Variants in CSN2 observed in about 807,000 individuals in gnomAD.
The protein encoded by CSN2 is casein beta.
In CSN2, 27 loss-of-function variants were observed where a neutral mutation model predicts 27.3. That is an observed-to-expected ratio of 0.99 (90% CI 0.73 to 1.36). The LOEUF (loss-of-function observed/expected upper bound fraction) is 1.36. Ranked by LOEUF, CSN2 falls within the 40% of genes most tolerant of loss-of-function variation. CSN2 has a pLI of 0.00. For synonymous variants in CSN2, 131 were observed against 94.8 expected, an observed-to-expected ratio of 1.38 and a Z score of -2.22; for missense variants, 333 against 264.5, an observed-to-expected ratio of 1.26 and a Z score of -1.80.
chr4:69,962,219 A>G (rs1723617652), intron 1 of CSN2, among the ~76,000 whole-genome samples: 1 of 152,194 alleles, frequency 6.6e-6, no homozygotes, highest in Non-Finnish European at 1.5e-5. Flanking sequence ...TCTTCACAGA[A>G]TTGAAAAAAA....
At chr4:69,960,824 G>T (rs1341954684) in intron 2 of CSN2, 121 bp downstream of exon 2, 14 of 784,242 alleles carry the variant, frequency 1.8e-5, no homozygotes, top group Admixed American at 7.0e-5. Context: ...GAAGCCAAGA[G>T]AATTCTCATG....
chr4:69,964,476 A>G (rs1723728733), intron 1 of CSN2, among the ~76,000 whole-genome samples: 1 of 152,086 alleles, frequency 6.6e-6, no homozygotes. Context: ...ACTTCATCAA[A>G]AAAGTCTTTA....
chr4:69,963,614 A>T (rs1723685680), intron 1 of CSN2, among the ~76,000 whole-genome samples: 1 of 152,132 alleles, frequency 6.6e-6, no homozygotes, highest in Non-Finnish European at 1.5e-5. Flanking sequence ...GAGGGATAGC[A>T]TTAGGAGATA....
rs1723361966 is a variant in CSN2, at chr4:69,955,280, A to G, written c.*349T>C. On this transcript the variant is annotated 3_prime_UTR_variant, in exon 8 of 8. Coordinates refer to ENST00000353151, the MANE Select transcript of CSN2 (RefSeq NM_001891.4). ...ATATGCTTAAGAATAATTTATTGAAATGACTGGAAAGGAAATAGATTCTTA... is the reference window on the plus strand; with the variant it reads ...ATATGCTTAAGAATAATTTATTGAAGTGACTGGAAAGGAAATAGATTCTTA... 6.6e-6 allele frequency: 1 copy of G among 152,550 alleles called. No homozygotes were observed. The highest frequency in any genetic ancestry group is 6.6e-5 in the Admixed American group (1 of 15,254). The allele number at this position is 152,550 out of a possible 1,614,324, so 9.4% of individuals were successfully genotyped here.
rs138138352 is a variant in CSN2 at position 69,957,342 on chromosome 4, G to T, written c.607C>A (p.Leu203Ile). 91 of 1,605,838 alleles carry T rather than the reference G, an allele frequency of 5.7e-5. No homozygotes were observed. In the African/African-American group the frequency reaches 1.1e-3, roughly 19 times the overall value. ...VQALLLNQEL[L>I]LNPTHQIYPV... ...TAGATCTGGTGGGTGGGGTTAAGTA[G>T]AAGTTCTTGGTTGAGCAGAAGGGCT... The change falls in exon 6 of 8, where the codon CTA becomes ATA. Residue 203 changes from leucine (L) to isoleucine (I), a missense_variant. By Grantham distance (5) the Leu-to-Ile change is conservative (BLOSUM62 2). Transcript: ENST00000353151.
chr4:69,956,409 C>T lies in CSN2; in HGVS notation c.676-54G>A. ...AATAACCTCTTAGTAAGAAAACTTG[C>T]CTTAAGAATGTTGTAAGTAGTGAAA... On this transcript the variant is annotated intron_variant, in intron 6 of 7. Transcript: ENST00000353151. 17 of 1,286,978 alleles carry T rather than the reference C, an allele frequency of 1.3e-5. No homozygotes were observed. In the South Asian group the frequency reaches 3.8e-4, roughly 28 times the overall value. The allele number at this position is 1,286,978 out of a possible 1,614,324, so 79.7% of individuals were successfully genotyped here.
chr4:69,965,000 G>A (rs1211593462), intron 1 of CSN2, among the ~76,000 whole-genome samples: 3 of 151,324 alleles, frequency 2.0e-5, no homozygotes, highest in African/African-American at 7.3e-5. Context: ...TGGTTTCCAA[G>A]TCTTTTCTAC....
chr4:69,957,944 G>C, intron 5 of CSN2, 140 bp from the exon 6 acceptor site: 4 of 843,462 alleles, frequency 4.7e-6, no homozygotes, highest in Non-Finnish European at 7.2e-6. Context: ...GGTTAAGAAA[G>C]TATCTTGAGT....
chr4:69,956,834 C>T (rs1723411367), intron 6 of CSN2, among the ~76,000 whole-genome samples: 1 of 152,078 alleles, frequency 6.6e-6, no homozygotes, highest in Admixed American at 6.6e-5. Flanking sequence ...GTTTCCTCTA[C>T]ACAAAAAACT....
intron 7 of CSN2, among the ~76,000 whole-genome samples, 187 bp downstream of exon 7, chr4:69,956,127 T>C (rs962598079): frequency 6.6e-6 from 1 of 152,016 alleles, no homozygotes; most frequent in Non-Finnish European, 1.5e-5. Flanking sequence ...ATTAAAGTTA[T>C]TTGAAATGCA....
rs1452956996 is a variant in CSN2, at chr4:69,955,533, A to G, written c.*96T>C. 1 of 152,494 alleles carries G rather than the reference A, an allele frequency of 6.6e-6. No individual in the cohort carries two copies. Among genetic ancestry groups the G allele is most frequent in the Non-Finnish European group, 1.5e-5 (1 of 67,948 alleles). The allele number at this position is 152,494 out of a possible 1,614,324, so 9.4% of individuals were successfully genotyped here. On this transcript the variant is annotated 3_prime_UTR_variant, in exon 8 of 8. Coordinates refer to ENST00000353151, the MANE Select transcript of CSN2 (RefSeq NM_001891.4). ...CATATAAACTCATTCAAACATACTT[A>G]ATTTGGGGTAACGTGATACAAAGAC...
In CSN2 at chr4:69,960,961, AG is replaced by A; in HGVS notation, c.34del (p.Ala13LeufsTer7). 1.9e-6 allele frequency: 3 copies of A among 1,612,984 alleles called. No individual in the cohort carries two copies. The highest frequency in any genetic ancestry group is 1.7e-4 in the Middle Eastern group (1 of 6,058). On this transcript the variant is annotated frameshift_variant, in exon 2 of 8. Transcript: ENST00000353151. LOFTEE classifies it high-confidence loss of function. The stretch of plus-strand genomic sequence containing the variant: ...TGCACATACCTCCCTTGCAAGAGCA[AG>A]AGCCACCAGGCAGGCGAGGATGAGG... ...KVLILACLVA[L>X]ALARETIESL...
intron 1 of CSN2, among the ~76,000 whole-genome samples, chr4:69,964,648 C>T (rs1723736666): frequency 6.6e-6 from 1 of 151,022 alleles, no homozygotes; most frequent in South Asian, 2.1e-4. Context: ...TGTCAGGGTT[C>T]AGAAACAGAA....
In CSN2 at chr4:69,960,996, G is replaced by C. The variant is rs562253705; in HGVS notation, c.-1C>G. ...GGCAGGCGAGGATGAGGACCTTCAT[G>C]GCTACTAAGTCCTGTGAATGTAGAA... On this transcript the variant is annotated 5_prime_UTR_variant, in exon 2 of 8. Coordinates refer to ENST00000353151, the MANE Select transcript of CSN2 (RefSeq NM_001891.4). The C allele has an allele frequency of 1.2e-4, 193 of 1,612,196 alleles. No homozygotes were observed. In the South Asian group the frequency reaches 1.9e-3, roughly 16 times the overall value.
In CSN2 at chr4:69,955,917, T is replaced by TAAGTA. The variant is rs1356263276; in HGVS notation, c.*37-330_*37-326dup. 2.6e-5 allele frequency among the ~76,000 whole-genome samples: 4 copies of TAAGTA among 152,194 alleles called. No individual in the cohort carries two copies. The East Asian group carries it at 7.7e-4, about 29-fold the overall frequency. On this transcript the variant is annotated intron_variant, in intron 7 of 7. Coordinates refer to ENST00000353151, the MANE Select transcript of CSN2 (RefSeq NM_001891.4). ...TAACTCATGAATTAAAAGATAATTT[T>TAAGTA]AAGTAAAGTAAATACAAATTTTATG...
intron 5 of CSN2, among the ~76,000 whole-genome samples, chr4:69,958,157 G>A (rs1723464415): frequency 6.6e-6 from 1 of 152,114 alleles, no homozygotes; most frequent in South Asian, 2.1e-4. Context: ...TGTGCCAATA[G>A]TAGACCAAAT....
chr4:69,964,540 A>G (rs1331984259), intron 1 of CSN2, among the ~76,000 whole-genome samples: 4 of 151,904 alleles, frequency 2.6e-5, no homozygotes, highest in Non-Finnish European at 4.4e-5. Context: ...TAATTCTATT[A>G]CAGAAAACAA....
At chr4:69,957,900 G>A (rs1723458066) in intron 5 of CSN2, 96 bp from the exon 6 acceptor site, 1 of 1,104,250 alleles carries the variant, frequency 9.1e-7, no homozygotes, top group Non-Finnish European at 1.3e-6. Context: ...TGATAAATGA[G>A]TAAAAAGAGA....
intron 7 of CSN2, among the ~76,000 whole-genome samples, chr4:69,956,006 A>G (rs190538952): frequency 6.6e-6 from 1 of 152,218 alleles, no homozygotes; most frequent in Admixed American, 6.5e-5. Flanking sequence ...TATTTCCATA[A>G]AAGTAAAATA....
Sources: allele counts gnomAD v4.1 joint callset (sites outside exome capture counted in the v4.1 genomes callset), GRCh38; gene constraint gnomAD v4.1.1; transcripts MANE v1.5; gene names NCBI Gene and HGNC (gene_info 2026-07-23, HGNC 2026-07-21).